The following ADK variants were observed in gnomAD, a reference collection of about 807,000 sequenced individuals.
ADK encodes N6,N6-dimethyladenosine kinase.
In ADK, 24 loss-of-function variants were observed where a neutral mutation model predicts 44.7. The ratio of observed to expected loss-of-function variants is 0.54; its 90% confidence interval spans 0.39 to 0.76. ADK has a LOEUF of 0.76. Among genes scored for constraint, ADK ranks in the 30% least tolerant of loss-of-function variants. The pLI is 0.00. For synonymous variants in ADK, 128 were observed against 142.6 expected (o/e 0.90, Z 0.73); for missense variants, 321 against 425.1 (o/e 0.76, Z 2.15).
intron 1 of ADK, among the ~76,000 whole-genome samples, chr10:74,187,537 A>G (rs905241450): frequency 2.0e-5 from 3 of 151,882 alleles, no homozygotes; most frequent in African/African-American, 7.3e-5. Context: ...CTCTCTCTCT[A>G]AATATTTTCT....
At chr10:74,163,322 T>G (rs1841953964) in intron 1 of ADK, among the ~76,000 whole-genome samples, 1 of 152,204 alleles carries the variant, frequency 6.6e-6, no homozygotes, top group African/African-American at 2.4e-5. Flanking sequence ...TCTTTCTTCT[T>G]TTAATATAGT....
At chr10:74,500,270 T>C (rs1847844803) in intron 6 of ADK, among the ~76,000 whole-genome samples, 2 of 152,234 alleles carry the variant, frequency 1.3e-5, no homozygotes, top group South Asian at 4.1e-4. Context: ...CAGCCTTGAC[T>C]ACTCTACTTT....
chr10:74,318,677 T>C (rs1167447974), intron 4 of ADK, among the ~76,000 whole-genome samples: 1 of 152,210 alleles, frequency 6.6e-6, no homozygotes. Context: ...CCAATGTCTT[T>C]CAGAGTGTTT....
In ADK at chr10:74,538,182, G is replaced by C. The variant is rs545967590; in HGVS notation, c.726+12756G>C. ...AGGCAGGAGAATCCTGAGAACCCTGGAGGCGGAGGTTGCAGCTAGCCAAGA... is the reference window on the plus strand; with the variant it reads ...AGGCAGGAGAATCCTGAGAACCCTGCAGGCGGAGGTTGCAGCTAGCCAAGA... On this transcript the variant is annotated intron_variant, in intron 7 of 10. Coordinates refer to ENST00000539909, the MANE Select transcript of ADK (RefSeq NM_006721.4). Among the ~76,000 whole-genome samples, 14 of 151,984 alleles carry C rather than the reference G, an allele frequency of 9.2e-5. No individual in the cohort carries two copies. In the South Asian group the frequency reaches 2.9e-3, roughly 32 times the overall value.
At chr10:74,389,530 T>C (rs1843266063) in intron 4 of ADK, among the ~76,000 whole-genome samples, 1 of 152,124 alleles carries the variant, frequency 6.6e-6, no homozygotes, top group Non-Finnish European at 1.5e-5. Flanking sequence ...AATTATAACA[T>C]CTTTACTGAG....
At chr10:74,521,431 A>G (rs1464394244) in intron 6 of ADK, among the ~76,000 whole-genome samples, 1 of 152,220 alleles carries the variant, frequency 6.6e-6, no homozygotes, top group African/African-American at 2.4e-5. Flanking sequence ...CCAGGGGCAC[A>G]GTGTTCTGTA....
At chr10:74,632,128 C>A (rs1853452957) in intron 9 of ADK, among the ~76,000 whole-genome samples, 1 of 152,194 alleles carries the variant, frequency 6.6e-6, no homozygotes, top group Non-Finnish European at 1.5e-5. Context: ...CTTCTCCCAA[C>A]CTTAAGCAAC....
intron 6 of ADK, among the ~76,000 whole-genome samples, chr10:74,421,890 A>T (rs1844567872): frequency 1.3e-5 from 2 of 152,220 alleles, no homozygotes; most frequent in Non-Finnish European, 2.9e-5. Flanking sequence ...GTAAATATAC[A>T]TGAGTTCACA....
chr10:74,694,999 A>G (rs1856122888), intron 10 of ADK, among the ~76,000 whole-genome samples: 1 of 152,034 alleles, frequency 6.6e-6, no homozygotes, highest in Admixed American at 6.6e-5. Context: ...TTCCAAATTG[A>G]AAACTAGTTG....
intron 2 of ADK, among the ~76,000 whole-genome samples, chr10:74,209,817 A>G (rs1345631136): frequency 3.3e-5 from 5 of 152,156 alleles, no homozygotes; most frequent in African/African-American, 1.2e-4. Flanking sequence ...CACAGTGGGC[A>G]TGAGGGGATA....
intron 9 of ADK, among the ~76,000 whole-genome samples, chr10:74,647,768 A>G (rs1044065898): frequency 2.0e-5 from 3 of 152,220 alleles, no homozygotes; most frequent in Admixed American, 6.5e-5. Flanking sequence ...CTACAAATTA[A>G]TGTTCCATAA....
chr10:74,286,278 CT>C (rs1847158927), intron 3 of ADK, among the ~76,000 whole-genome samples: 1 of 152,196 alleles, frequency 6.6e-6, no homozygotes, highest in Admixed American at 6.5e-5. Context: ...TCTCAAACTC[CT>C]GGCCTAAAGC....
intron 2 of ADK, among the ~76,000 whole-genome samples, chr10:74,222,797 T>A (rs539652813): frequency 1.5e-5 from 2 of 137,776 alleles, no homozygotes; most frequent in Admixed American, 8.5e-5. Context: ...CACTCATAGG[T>A]GGGAATTGAA....
chr10:74,176,574 C>G, intron 1 of ADK: 2 of 1,353,162 alleles, frequency 1.5e-6, no homozygotes, highest in Non-Finnish European at 1.9e-6. Context: ...AAGATGGCCA[C>G]CGCGCCCGCT....
intron 3 of ADK, among the ~76,000 whole-genome samples, chr10:74,298,540 C>T (rs367567347): frequency 4.6e-5 from 7 of 152,168 alleles, no homozygotes; most frequent in South Asian, 4.1e-4. Flanking sequence ...ATCACATGAG[C>T]CCAGGCGTTC....
chr10:74,177,945 A>ATATATATATTTT (rs10693309), intron 1 of ADK, among the ~76,000 whole-genome samples: 30 of 108,964 alleles, frequency 2.8e-4, no homozygotes, highest in Non-Finnish European at 3.7e-4. Flanking sequence ...ATATATATAT[A>ATATATATATTTT]TTTTTTTTTT....
chr10:74,178,918 A>C (rs1842441699), intron 1 of ADK, among the ~76,000 whole-genome samples: 1 of 152,242 alleles, frequency 6.6e-6, no homozygotes, highest in Non-Finnish European at 1.5e-5. Context: ...AATTGAATCC[A>C]GATTTCCATG....
At chr10:74,157,645 A>G (rs1031562633) in intron 1 of ADK, among the ~76,000 whole-genome samples, 6 of 151,986 alleles carry the variant, frequency 3.9e-5, no homozygotes, top group Admixed American at 3.3e-4. Context: ...TTGGGAGGCC[A>G]AGGCGGGCAG....
chr10:74,618,671 T>G (rs1218707337), intron 9 of ADK, among the ~76,000 whole-genome samples: 1 of 152,228 alleles, frequency 6.6e-6, no homozygotes, highest in Non-Finnish European at 1.5e-5. Context: ...TTATACTTTT[T>G]GAGTTCTTTA....
Sources: gnomAD v4.1 joint callset for allele counts (sites outside exome capture counted in the v4.1 genomes callset) on GRCh38, gnomAD v4.1.1 for gene constraint, MANE v1.5 for transcripts, NCBI Gene and HGNC (gene_info 2026-07-23, HGNC 2026-07-21) for gene names.